The following PDE1C variants were observed in gnomAD, a reference collection of about 807,000 sequenced individuals.
The protein encoded by PDE1C is dual specificity calcium/calmodulin-dependent 3',5'-cyclic nucleotide phosphodiesterase 1C.
A neutral mutation model predicts 93.1 loss-of-function variants in PDE1C; 62 were observed. The observed-to-expected ratio is 0.67, with a 90% CI of 0.54 to 0.82. PDE1C has a LOEUF of 0.82. PDE1C is among the 40% of genes least tolerant of loss of function. The pLI is 0.00. For missense variants in PDE1C, 742 were observed against 884.6 expected (o/e 0.84, Z 2.04); for synonymous variants, 325 against 310.1 (o/e 1.05, Z -0.50).
chr7:31,743,131 C>T, the PDE1C span, among the ~76,000 whole-genome samples: 3 of 152,182 alleles, frequency 2.0e-5, no homozygotes, highest in Non-Finnish European at 4.4e-5. Flanking sequence ...CAATCCATCT[C>T]CATTTGGCAG....
intron 2 of PDE1C, among the ~76,000 whole-genome samples, chr7:32,014,936 C>G (rs146280516): frequency 0.015 from 2,278 of 152,200 alleles, 27 homozygotes; most frequent in Non-Finnish European, 0.024. Context: ...ATAATCTTCA[C>G]GTGTCAAGGG....
chr7:31,701,110 T>A, the PDE1C span, among the ~76,000 whole-genome samples: 3 of 152,284 alleles, frequency 2.0e-5, no homozygotes, highest in East Asian at 5.8e-4. Flanking sequence ...AGAGCTGCTA[T>A]AGATAGTGAT....
chr7:31,753,142 C>T lies in PDE1C; in HGVS notation c.*242G>A, dbSNP rs540023866. ...TTAGAGACTTATACCATAAAAACAC[C>T]CCTCTTGCTAGTTTGTTGCTGGCGT... is the stretch of plus-strand genomic sequence containing the variant. On this transcript the variant is annotated 3_prime_UTR_variant, in exon 18 of 18. Transcript: ENST00000396191. The T allele has an allele frequency of 3.9e-5, 12 of 304,834 alleles. No homozygotes were observed. In the South Asian group the frequency reaches 1.5e-3, roughly 37 times the overall value. 18.9% of individuals were successfully genotyped at this position (304,834 alleles called of 1,614,324 possible). A position where few individuals can be genotyped will look rare whatever the true frequency, so the allele number is the denominator to read the frequency against.
At chr7:32,166,598 T>C (rs1341941085) in intron 3 of PDE1C, among the ~76,000 whole-genome samples, 3 of 152,222 alleles carry the variant, frequency 2.0e-5, no homozygotes, top group Non-Finnish European at 4.4e-5. Context: ...AAACCTCAAC[T>C]ATCGACACAC....
intron 1 of PDE1C, among the ~76,000 whole-genome samples, chr7:32,409,489 AT>A (rs1193119359): frequency 2.0e-5 from 3 of 152,244 alleles, no homozygotes; most frequent in African/African-American, 7.2e-5. Context: ...ACTGAAGAGT[AT>A]CATTGCAAAA....
intron 2 of PDE1C, among the ~76,000 whole-genome samples, chr7:32,024,355 A>G (rs1789118539): frequency 6.6e-6 from 1 of 151,794 alleles, no homozygotes; most frequent in African/African-American, 2.4e-5. Context: ...GGCAATTGTG[A>G]AAATTAAAGG....
chr7:31,908,641 T>C (rs1351774042), intron 2 of PDE1C, among the ~76,000 whole-genome samples: 1 of 152,230 alleles, frequency 6.6e-6, no homozygotes, highest in Non-Finnish European at 1.5e-5. Flanking sequence ...GTTAATGTTA[T>C]TATTCCTGTT....
At chr7:31,724,634 G>T in the PDE1C span, among the ~76,000 whole-genome samples, 3 of 152,166 alleles carry the variant, frequency 2.0e-5, no homozygotes, top group African/African-American at 7.2e-5. Context: ...ATAACTAGAA[G>T]TTTCTAGTAG....
At chr7:32,320,775 T>C (rs1783274065) in intron 1 of PDE1C, among the ~76,000 whole-genome samples, 1 of 152,132 alleles carries the variant, frequency 6.6e-6, no homozygotes, top group South Asian at 2.1e-4. Flanking sequence ...GAAAGAAACT[T>C]AGAAAAGCAG....
At chr7:32,076,609 C>T (rs1273376460) in intron 3 of PDE1C, among the ~76,000 whole-genome samples, 1 of 147,568 alleles carries the variant, frequency 6.8e-6, no homozygotes, top group Admixed American at 6.9e-5. Flanking sequence ...CACCACTGCA[C>T]TCCAGCCTGG....
intron 17 of PDE1C, among the ~76,000 whole-genome samples, chr7:31,773,901 T>C (rs1795663709): frequency 1.3e-5 from 2 of 152,156 alleles, no homozygotes; most frequent in South Asian, 2.1e-4. Flanking sequence ...CAATTCCACC[T>C]AGATGATTTT....
chr7:31,967,616 C>T (rs1467417474), intron 2 of PDE1C, among the ~76,000 whole-genome samples: 1 of 152,128 alleles, frequency 6.6e-6, no homozygotes, highest in Non-Finnish European at 1.5e-5. Context: ...TTTATGAGGC[C>T]AGCATCATCC....
intron 3 of PDE1C, among the ~76,000 whole-genome samples, chr7:32,139,998 A>G (rs185395245): frequency 4.4e-4 from 67 of 152,214 alleles, no homozygotes; most frequent in Middle Eastern, 3.4e-3. Flanking sequence ...CTCTGAACCA[A>G]CCAATCCTGG....
At chr7:32,289,658 T>A (rs1249759068) in intron 1 of PDE1C, among the ~76,000 whole-genome samples, 1 of 152,180 alleles carries the variant, frequency 6.6e-6, no homozygotes, top group Non-Finnish European at 1.5e-5. Context: ...GTAGTTGAAC[T>A]GCAATGAAAC....
At chr7:32,241,083 G>A (rs73306621) in intron 1 of PDE1C, among the ~76,000 whole-genome samples, 1,857 of 152,218 alleles carry the variant, frequency 0.012, 15 homozygotes, top group African/African-American at 0.02. Flanking sequence ...GGAGAGGGCC[G>A]GACCAATTTG....
intron 2 of PDE1C, among the ~76,000 whole-genome samples, chr7:31,913,772 C>G (rs1801545278): frequency 6.6e-6 from 1 of 152,146 alleles, no homozygotes; most frequent in South Asian, 2.1e-4. Context: ...ACAGAGTTCT[C>G]CAATCCCAGC....
intron 2 of PDE1C, among the ~76,000 whole-genome samples, chr7:32,194,699 G>A (rs1183024158): frequency 1.3e-5 from 2 of 152,048 alleles, no homozygotes; most frequent in Non-Finnish European, 2.9e-5. Context: ...GCACATAGTT[G>A]GGTCATGTTT....
rs138327648 is a variant in PDE1C, at chr7:31,975,577, T to TTA, written c.128+75975_128+75976dup. On this transcript the variant is annotated intron_variant, in intron 2 of 17. Coordinates refer to ENST00000396191, the MANE Select transcript of PDE1C (RefSeq NM_001191057.4). ...TGAACCCTTTAAAACATATCTAATT[T>TTA]TATATATATATATATGAAAAAGAAT... Among the ~76,000 whole-genome samples, 1,283 of 150,882 alleles carry TTA rather than the reference T, an allele frequency of 8.5e-3. 16 individuals carry two copies. The highest frequency in any genetic ancestry group is 0.081 in the East Asian group (416 of 5,130).
chr7:31,824,729 A>G (rs754482601), intron 13 of PDE1C, 138 bp downstream of exon 13: 1 of 1,068,958 alleles, frequency 9.4e-7, no homozygotes, highest in Non-Finnish European at 1.4e-6. Flanking sequence ...GAGAAAAGGA[A>G]AGAGGCAGAC....
Sources: allele counts gnomAD v4.1 joint callset (sites outside exome capture counted in the v4.1 genomes callset), GRCh38; gene constraint gnomAD v4.1.1; transcripts MANE v1.5; gene names NCBI Gene and HGNC (gene_info 2026-07-23, HGNC 2026-07-21).